Variants in ZBTB20 observed in about 807,000 individuals in gnomAD.
ZBTB20 encodes zinc finger and BTB domain containing 20, also known as zinc finger and BTB domain-containing protein 20.
A neutral mutation model predicts 56.9 loss-of-function variants in ZBTB20; 9 were observed. The ratio of observed to expected loss-of-function variants is 0.16; its 90% CI spans 0.10 to 0.28. The LOEUF is 0.28. Among genes scored for constraint, ZBTB20 ranks in the 10% least tolerant of loss-of-function variants. The pLI is 1.00. For synonymous variants in ZBTB20, 417 were observed against 420.7 expected, an observed-to-expected ratio of 0.99 and a Z score of 0.11; for missense variants, 655 against 1,003.0, an observed-to-expected ratio of 0.65 and a Z score of 4.69.
intron 2 of ZBTB20, among the ~76,000 whole-genome samples, chr3:114,999,447 T>C (rs1283733706): frequency 5.3e-5 from 8 of 151,796 alleles, no homozygotes; most frequent in Non-Finnish European, 7.4e-5. Flanking sequence ...ATTTGTGCTA[T>C]ATAAAACTTA....
intron 1 of ZBTB20, among the ~76,000 whole-genome samples, chr3:115,122,680 A>G (rs538604957): frequency 7.9e-5 from 12 of 152,200 alleles, no homozygotes; most frequent in African/African-American, 2.9e-4. Context: ...CTTTCTATAT[A>G]TTAATCCTAT....
intron 5 of ZBTB20, among the ~76,000 whole-genome samples, chr3:114,731,653 G>T (rs1464995776): frequency 1.3e-5 from 2 of 152,104 alleles, no homozygotes; most frequent in Admixed American, 1.3e-4. Context: ...TACTAATCCA[G>T]CTGTACCTAC....
At position 115,039,593 on chromosome 3, in the gene ZBTB20, TTAAAATATTTAATAATGCTGA is replaced by T. The variant is rs549698040; in HGVS notation, c.-507+31605_-507+31625del. ...CTATTAGTCTTCTCAAAGCTCAGAATTAAAATATTTAATAATGCTGAGTGGTGGATGTTTTTACAGTGTGGC... is the reference window on the plus strand; with the variant it reads ...CTATTAGTCTTCTCAAAGCTCAGAATGTGGTGGATGTTTTTACAGTGTGGC... On this transcript the variant is annotated intron_variant, in intron 2 of 11. Transcript: ENST00000675478. Among the ~76,000 whole-genome samples the T allele has an allele frequency of 3.7e-4, 57 of 152,146 alleles. 2 individuals carry two copies. In the South Asian group the frequency reaches 0.01, roughly 27 times the overall value.
intron 6 of ZBTB20, among the ~76,000 whole-genome samples, chr3:114,535,607 T>C (rs545034001): frequency 3.0e-4 from 46 of 152,222 alleles, no homozygotes; most frequent in Middle Eastern, 3.4e-3. Flanking sequence ...TTCCAGATCA[T>C]AGAAAAAGAG....
chr3:114,565,475 A>C (rs1187656376), intron 6 of ZBTB20, among the ~76,000 whole-genome samples: 1 of 152,198 alleles, frequency 6.6e-6, no homozygotes, highest in Admixed American at 6.5e-5. Context: ...CACAGATTAC[A>C]AAATATCTGT....
chr3:114,955,776 C>T (rs533976172), intron 3 of ZBTB20, among the ~76,000 whole-genome samples: 1 of 151,948 alleles, frequency 6.6e-6, no homozygotes, highest in Non-Finnish European at 1.5e-5. Flanking sequence ...GTTAAACCAA[C>T]AAACAAACAA....
At chr3:115,107,285 T>C (rs1344516913) in intron 1 of ZBTB20, among the ~76,000 whole-genome samples, 1 of 152,088 alleles carries the variant, frequency 6.6e-6, no homozygotes, top group African/African-American at 2.4e-5. Flanking sequence ...CCTTGTATGA[T>C]GGCATGCACC....
intron 5 of ZBTB20, among the ~76,000 whole-genome samples, chr3:114,744,472 C>A (rs1217569582): frequency 6.6e-6 from 1 of 152,012 alleles, no homozygotes; most frequent in African/African-American, 2.4e-5. Context: ...GCCCTCCTGT[C>A]GGAAGCCCTC....
intron 5 of ZBTB20, among the ~76,000 whole-genome samples, chr3:114,723,856 G>C (rs2065082479): frequency 2.0e-5 from 3 of 151,802 alleles, no homozygotes; most frequent in Admixed American, 1.3e-4. Context: ...GATATACTTG[G>C]GTTTCTTTCC....
At chr3:115,146,934 C>G (rs2085005410) in intron 1 of ZBTB20, among the ~76,000 whole-genome samples, 1 of 151,432 alleles carries the variant, frequency 6.6e-6, no homozygotes, top group South Asian at 2.1e-4. Flanking sequence ...CACCTCCCCG[C>G]CGGGTCGGGC....
At chr3:114,413,866 T>C (rs2108781828) in intron 7 of ZBTB20, among the ~76,000 whole-genome samples, 1 of 152,284 alleles carries the variant, frequency 6.6e-6, no homozygotes, top group South Asian at 2.1e-4. Context: ...GATTTGAATT[T>C]AGGATTATCT....
chr3:114,713,410 A>G (rs1488304915), intron 5 of ZBTB20, among the ~76,000 whole-genome samples: 1 of 152,156 alleles, frequency 6.6e-6, no homozygotes, highest in Non-Finnish European at 1.5e-5. Flanking sequence ...CCCAAAACTG[A>G]ACACATAAAG....
intron 2 of ZBTB20, among the ~76,000 whole-genome samples, chr3:115,055,187 A>ATCTCTCTCTC (rs58480744): frequency 0.22 from 22,575 of 102,816 alleles, 4,334 homozygotes; most frequent in Non-Finnish European, 0.26. Flanking sequence ...CCTCCTGGTA[A>ATCTCTCTCTC]TCTCTCTCTC....
At chr3:114,962,693 T>G (rs2107983516) in intron 3 of ZBTB20, among the ~76,000 whole-genome samples, 1 of 152,218 alleles carries the variant, frequency 6.6e-6, no homozygotes, top group East Asian at 1.9e-4. Flanking sequence ...AGTGGACCAT[T>G]TTGACTGAAC....
chr3:115,116,869 A>G (rs1472997031), intron 1 of ZBTB20, among the ~76,000 whole-genome samples: 1 of 152,104 alleles, frequency 6.6e-6, no homozygotes, highest in African/African-American at 2.4e-5. Context: ...TGCTGTAGTC[A>G]TCATGTATCT....
intron 7 of ZBTB20, among the ~76,000 whole-genome samples, chr3:114,471,022 G>GTCTT (rs2040067357): frequency 6.6e-6 from 1 of 151,978 alleles, no homozygotes; most frequent in South Asian, 2.1e-4. Flanking sequence ...TATGTCCTAA[G>GTCTT]TCTTTGTTCA....
intron 7 of ZBTB20, among the ~76,000 whole-genome samples, chr3:114,392,021 G>A (rs147201832): frequency 6.6e-6 from 1 of 152,248 alleles, no homozygotes; most frequent in African/African-American, 2.4e-5. Context: ...TCAACAAACC[G>A]AACTAATAAA....
At chr3:114,353,637 T>C (rs1237983764) in intron 10 of ZBTB20, among the ~76,000 whole-genome samples, 1 of 152,102 alleles carries the variant, frequency 6.6e-6, no homozygotes, top group African/African-American at 2.4e-5. Context: ...AAGGCACAAA[T>C]AACCCAGGAA....
chr3:114,573,666 C>A (rs957470944), intron 6 of ZBTB20, among the ~76,000 whole-genome samples: 1 of 151,638 alleles, frequency 6.6e-6, no homozygotes, highest in African/African-American at 2.4e-5. Flanking sequence ...GGCAAAGGTA[C>A]AAGGATCCAA....
Sources: gnomAD v4.1 joint callset for allele counts (sites outside exome capture counted in the v4.1 genomes callset) on GRCh38, gnomAD v4.1.1 for gene constraint, MANE v1.5 for transcripts, NCBI Gene and HGNC (gene_info 2026-07-23, HGNC 2026-07-21) for gene names.